STPG2: variants seen among roughly 807,000 people sequenced by gnomAD.
The protein encoded by STPG2 is sperm-tail PG-rich repeat-containing protein 2.
A neutral mutation model predicts 54.2 loss-of-function variants in STPG2; 56 were observed. The observed-to-expected ratio is 1.03, with a 90% CI of 0.83 to 1.29. The LOEUF (loss-of-function observed/expected upper bound fraction) is 1.29, where lower values mean the gene tolerates loss of function less well. Ranked by LOEUF, STPG2 falls within the 50% of genes most tolerant of loss-of-function variation. The probability of loss-of-function intolerance (pLI) is 0.00; values close to 1 mark genes in which losing one functional copy is unlikely to be tolerated. For missense variants in STPG2, 596 were observed against 544.9 expected, an observed-to-expected ratio of 1.09 and a Z score of -0.93; for synonymous variants, 200 against 181.8, an observed-to-expected ratio of 1.10 and a Z score of -0.81.
intron 4 of STPG2, among the ~76,000 whole-genome samples, chr4:97,540,943 T>C (rs149429858): frequency 6.6e-6 from 1 of 152,082 alleles, no homozygotes; most frequent in African/African-American, 2.4e-5. Flanking sequence ...AAACTCTCAA[T>C]AAATTAGGTA....
chr4:97,913,329 C>T (rs1045058482), intron 8 of STPG2, among the ~76,000 whole-genome samples: 4 of 152,120 alleles, frequency 2.6e-5, no homozygotes, highest in Non-Finnish European at 5.9e-5. Context: ...CCAATACTTA[C>T]ATGCTGTTTG....
intron 9 of STPG2, among the ~76,000 whole-genome samples, chr4:97,816,284 T>C (rs1269906969): frequency 6.6e-6 from 1 of 152,224 alleles, no homozygotes; most frequent in Non-Finnish European, 1.5e-5. Flanking sequence ...CTATCATTGA[T>C]AGTCATTTGC....
chr4:97,963,911 T>C (rs1212626330), intron 7 of STPG2, among the ~76,000 whole-genome samples: 3 of 152,122 alleles, frequency 2.0e-5, no homozygotes, highest in African/African-American at 7.2e-5. Flanking sequence ...TTTAATGTTC[T>C]TAAATTTAAT....
intron 7 of STPG2, among the ~76,000 whole-genome samples, chr4:97,969,265 G>A (rs1048599445): frequency 6.6e-6 from 1 of 152,122 alleles, no homozygotes; most frequent in East Asian, 1.9e-4. Context: ...CTGTTTTAAG[G>A]CTGTTAGGAA....
At chr4:97,736,795 A>T (rs1043289940) in intron 9 of STPG2, among the ~76,000 whole-genome samples, 1 of 152,176 alleles carries the variant, frequency 6.6e-6, no homozygotes, top group Non-Finnish European at 1.5e-5. Flanking sequence ...CAAACAAACA[A>T]AAAGACAGCA....
intron 9 of STPG2, among the ~76,000 whole-genome samples, chr4:97,815,221 G>GGT (rs150191381): frequency 4.6e-5 from 7 of 151,902 alleles, no homozygotes; most frequent in East Asian, 1.9e-4. Flanking sequence ...AACATTTACC[G>GGT]GTGTGTGTGT....
intron 10 of STPG2, among the ~76,000 whole-genome samples, chr4:97,566,781 A>G (rs1732460141): frequency 6.6e-6 from 1 of 151,614 alleles, no homozygotes; most frequent in South Asian, 2.1e-4. Context: ...CTATCACAAG[A>G]ACAAGAAACC....
intron 5 of STPG2, among the ~76,000 whole-genome samples, chr4:98,084,637 T>C (rs1019920363): frequency 9.2e-5 from 14 of 152,156 alleles, no homozygotes; most frequent in Non-Finnish European, 1.5e-4. Context: ...TCCAGTCTCT[T>C]TTACTTTAGC....
At position 97,716,302 on chromosome 4, in the gene STPG2, G is replaced by A. The variant is rs182316430; in HGVS notation, c.1205-3488C>T. On this transcript the variant is annotated intron_variant, in intron 9 of 10. Transcript: ENST00000295268. Reference sequence around the variant, plus strand: ...GAAGACAGTGTGGCAATTCCTCAAGGATCTAGAACCAGAAATACCATTTGA... The same window carrying A: ...GAAGACAGTGTGGCAATTCCTCAAGAATCTAGAACCAGAAATACCATTTGA... Among the ~76,000 whole-genome samples, 582 of 152,176 alleles carry A rather than the reference G, an allele frequency of 3.8e-3. 1 individual carries two copies. Among genetic ancestry groups the A allele is most frequent in the Middle Eastern group, 0.014 (4 of 294 alleles).
intron 5 of STPG2, among the ~76,000 whole-genome samples, chr4:98,018,790 G>C (rs28893341): frequency 0.39 from 59,222 of 150,760 alleles, 11,886 homozygotes; most frequent in Middle Eastern, 0.46. Context: ...ATTTTTTCAT[G>C]TGTTTTTTGG....
At chr4:98,080,511 T>C (rs11727612) in intron 5 of STPG2, among the ~76,000 whole-genome samples, 60,135 of 151,986 alleles carry the variant, frequency 0.4, 12,136 homozygotes, top group Middle Eastern at 0.46. Context: ...TAAACTTCAT[T>C]ACCTGCCAAT....
chr4:97,636,139 A>G (rs375280440), intron 10 of STPG2, among the ~76,000 whole-genome samples: 18,660 of 149,072 alleles, frequency 0.13, 3,550 homozygotes, highest in African/African-American at 0.42. Flanking sequence ...ATAACAAACT[A>G]TCTCTCAGAC....
intron 5 of STPG2, among the ~76,000 whole-genome samples, chr4:98,043,595 T>A (rs1469777011): frequency 6.6e-6 from 1 of 152,092 alleles, no homozygotes; most frequent in Non-Finnish European, 1.5e-5. Flanking sequence ...TCAATTTACC[T>A]CTCCTCCCGC....
intron 9 of STPG2, among the ~76,000 whole-genome samples, chr4:97,817,191 G>A (rs1273077372): frequency 1.3e-5 from 2 of 149,674 alleles, no homozygotes; most frequent in African/African-American, 4.9e-5. Flanking sequence ...TATCTTTTCT[G>A]TAAAGCATGG....
At chr4:97,545,089 A>C (rs956282543) in intron 4 of STPG2, among the ~76,000 whole-genome samples, 3 of 152,100 alleles carry the variant, frequency 2.0e-5, no homozygotes, top group Admixed American at 2.0e-4. Flanking sequence ...TGTATATCTA[A>C]AAAACACCCA....
At chr4:98,009,565 G>A (rs777171448) in intron 5 of STPG2, among the ~76,000 whole-genome samples, 8 of 151,982 alleles carry the variant, frequency 5.3e-5, no homozygotes, top group Non-Finnish European at 1.0e-4. Flanking sequence ...GCTGTTGAAC[G>A]GAATGTTCTG....
At chr4:97,735,823 A>G (rs991674261) in intron 9 of STPG2, among the ~76,000 whole-genome samples, 1 of 152,060 alleles carries the variant, frequency 6.6e-6, no homozygotes, top group African/African-American at 2.4e-5. Flanking sequence ...CTAAATATAT[A>G]AGGAACACAT....
chr4:97,906,002 G>A (rs914446734), intron 8 of STPG2, among the ~76,000 whole-genome samples: 1 of 152,054 alleles, frequency 6.6e-6, no homozygotes, highest in African/African-American at 2.4e-5. Flanking sequence ...CAGAAGGCAA[G>A]AAATAACTAA....
chr4:97,607,941 GC>G (rs1409487434), intron 10 of STPG2, among the ~76,000 whole-genome samples: 1 of 151,958 alleles, frequency 6.6e-6, no homozygotes, highest in Non-Finnish European at 1.5e-5. Flanking sequence ...AGCCCAGAGG[GC>G]TTAAAGCCAA....
Sources: gnomAD v4.1 joint callset for allele counts (sites outside exome capture counted in the v4.1 genomes callset) on GRCh38, gnomAD v4.1.1 for gene constraint, MANE v1.5 for transcripts, NCBI Gene and HGNC (gene_info 2026-07-23, HGNC 2026-07-21) for gene names.